ULK4: variants seen among roughly 807,000 people sequenced by gnomAD.
ULK4 encodes inactive serine/threonine-protein kinase ULK4.
Under a neutral mutation model 160.6 loss-of-function variants are expected in ULK4, and 133 were observed. The ratio of observed to expected loss-of-function variants is 0.83; its 90% CI spans 0.72 to 0.96. The LOEUF (loss-of-function observed/expected upper bound fraction) is 0.96. Ranked by LOEUF, ULK4 falls within the 40% of genes least tolerant of loss-of-function variation. The pLI, the probability that ULK4 is intolerant of heterozygous loss-of-function variation, is 0.00. For missense variants in ULK4, 1,580 were observed against 1,499.5 expected (o/e 1.05, Z -0.89); for synonymous variants, 534 against 539.8 (o/e 0.99, Z 0.15).
intron 27 of ULK4, among the ~76,000 whole-genome samples, chr3:41,699,035 T>C (rs1424606296): frequency 6.6e-6 from 1 of 152,218 alleles, no homozygotes; most frequent in Non-Finnish European, 1.5e-5. Flanking sequence ...ATCCATAGAC[T>C]GTTGATGGGA....
intron 22 of ULK4, among the ~76,000 whole-genome samples, chr3:41,748,116 G>C (rs1051548695): frequency 2.6e-4 from 39 of 151,210 alleles, no homozygotes; most frequent in African/African-American, 8.5e-4. Flanking sequence ...TAGCATAATT[G>C]TTAGTTTTAC....
intron 35 of ULK4, among the ~76,000 whole-genome samples, chr3:41,378,848 A>G (rs2081580054): frequency 1.3e-5 from 2 of 151,930 alleles, no homozygotes; most frequent in Non-Finnish European, 2.9e-5. Context: ...AATGTGGCAC[A>G]TTTACACCAT....
At chr3:41,757,629 CAAAA>C (rs1197436719) in intron 21 of ULK4, among the ~76,000 whole-genome samples, 6 of 63,640 alleles carry the variant, frequency 9.4e-5, no homozygotes, top group Non-Finnish European at 1.5e-4. Flanking sequence ...GAGACTCTCT[CAAAA>C]AAAAAAAAAA....
intron 3 of ULK4, among the ~76,000 whole-genome samples, chr3:41,936,685 C>T (rs1218307608): frequency 2.0e-5 from 3 of 152,144 alleles, no homozygotes; most frequent in Non-Finnish European, 4.4e-5. Context: ...CATCGCATGT[C>T]CTCACTCATT....
At chr3:41,750,739 T>G (rs2038592512) in intron 22 of ULK4, among the ~76,000 whole-genome samples, 1 of 152,056 alleles carries the variant, frequency 6.6e-6, no homozygotes, top group South Asian at 2.1e-4. Flanking sequence ...CTCACATCTG[T>G]AATCCCAGCA....
chr3:41,423,019 G>A (rs1354472076), intron 34 of ULK4, among the ~76,000 whole-genome samples: 1 of 152,056 alleles, frequency 6.6e-6, no homozygotes, highest in South Asian at 2.1e-4. Flanking sequence ...TGACATATAA[G>A]TACAGACTTG....
At chr3:41,280,174 C>T (rs113505336) in intron 35 of ULK4, among the ~76,000 whole-genome samples, 8 of 152,112 alleles carry the variant, frequency 5.3e-5, no homozygotes, top group Non-Finnish European at 1.2e-4. Context: ...CCTTAGAGAC[C>T]TACAAAGAGA....
chr3:41,768,872 C>A (rs17062109), intron 21 of ULK4, among the ~76,000 whole-genome samples: 1 of 152,024 alleles, frequency 6.6e-6, no homozygotes, highest in African/African-American at 2.4e-5. Flanking sequence ...TAGTAAGTGA[C>A]AGTGAGGTAT....
intron 31 of ULK4, 75 bp from the exon 32 acceptor site, chr3:41,566,205 G>A (rs1388127177): frequency 4.8e-6 from 6 of 1,252,854 alleles, no homozygotes; most frequent in Non-Finnish European, 6.9e-6. Flanking sequence ...ATAAGCAAAT[G>A]ATGTCCACTG....
At chr3:41,773,021 T>A (rs1010189555) in intron 21 of ULK4, among the ~76,000 whole-genome samples, 1 of 151,844 alleles carries the variant, frequency 6.6e-6, no homozygotes, top group African/African-American at 2.4e-5. Flanking sequence ...AATTCAACAA[T>A]CCTTCATGCT....
intron 16 of ULK4, among the ~76,000 whole-genome samples, chr3:41,895,059 A>G (rs968926980): frequency 2.6e-5 from 4 of 152,236 alleles, no homozygotes; most frequent in Admixed American, 1.3e-4. Flanking sequence ...TCGAGGAAGT[A>G]TAACTAAATT....
chr3:41,557,710 A>G (rs1299680688), intron 32 of ULK4, among the ~76,000 whole-genome samples: 1 of 151,976 alleles, frequency 6.6e-6, no homozygotes, highest in Non-Finnish European at 1.5e-5. Context: ...AACTGCAATA[A>G]GCTCTGATTG....
At chr3:41,596,899 T>C (rs1559421758) in intron 31 of ULK4, among the ~76,000 whole-genome samples, 1 of 152,158 alleles carries the variant, frequency 6.6e-6, no homozygotes, top group African/African-American at 2.4e-5. Context: ...GTCAGCACTA[T>C]TGACATCATG....
chr3:41,850,371 T>C lies in ULK4; in HGVS notation c.1657-14400A>G, dbSNP rs868340639. On this transcript the variant is annotated intron_variant, in intron 17 of 36. Coordinates refer to ENST00000301831, the MANE Select transcript of ULK4 (RefSeq NM_017886.4). ...CAAATGGTATTTCTAGTTCTAGATC[T>C]CTGAGGAATCGCCACACTGACTTCC... 4.1e-4 allele frequency among the ~76,000 whole-genome samples: 63 copies of C among 152,212 alleles called. 1 individual carries two copies. In the Middle Eastern group the frequency reaches 0.01, roughly 25 times the overall value.
chr3:41,849,855 C>G (rs1284319678), intron 17 of ULK4, among the ~76,000 whole-genome samples: 1 of 152,116 alleles, frequency 6.6e-6, no homozygotes, highest in Non-Finnish European at 1.5e-5. Flanking sequence ...GGTACATGTA[C>G]ACAACGTGCA....
At chr3:41,548,751 G>A (rs1432313284) in intron 32 of ULK4, among the ~76,000 whole-genome samples, 1 of 136,754 alleles carries the variant, frequency 7.3e-6, no homozygotes, top group Non-Finnish European at 1.5e-5. Context: ...CACTAATACT[G>A]GTGCCCACCT....
chr3:41,434,047 A>G (rs2082978612), intron 34 of ULK4, among the ~76,000 whole-genome samples: 1 of 152,226 alleles, frequency 6.6e-6, no homozygotes, highest in African/African-American at 2.4e-5. Flanking sequence ...GAGTGTCAAT[A>G]TGATACCACA....
chr3:41,791,498 T>A (rs2040149775), intron 20 of ULK4, among the ~76,000 whole-genome samples: 1 of 152,198 alleles, frequency 6.6e-6, no homozygotes, highest in South Asian at 2.1e-4. Context: ...ATAACTCACA[T>A]CAAGGAAAAT....
rs576806091 is a variant in ULK4, at chr3:41,747,041, G to A, written c.2321+7320C>T. On this transcript the variant is annotated intron_variant, in intron 22 of 36. Transcript: ENST00000301831. Reference sequence around the variant, plus strand: ...TGGATCACAAACTTAAATGTAAAGCGTATAACCATAAACAATATTTTTTAA... The same window carrying A: ...TGGATCACAAACTTAAATGTAAAGCATATAACCATAAACAATATTTTTTAA... Among the ~76,000 whole-genome samples the A allele has an allele frequency of 2.6e-5, 4 of 152,010 alleles. No individual in the cohort carries two copies. In the South Asian group the frequency reaches 8.3e-4, roughly 31 times the overall value.
Sources: gnomAD v4.1 joint callset for allele counts (sites outside exome capture counted in the v4.1 genomes callset) on GRCh38, gnomAD v4.1.1 for gene constraint, MANE v1.5 for transcripts, NCBI Gene and HGNC (gene_info 2026-07-23, HGNC 2026-07-21) for gene names.